TEAD4: variants seen among roughly 807,000 people sequenced by gnomAD.
TEAD4 encodes TEA domain transcription factor 4, also known as transcriptional enhancer factor TEF-3.
TEAD4 carries 36 observed loss-of-function variants against 52.4 expected under a neutral mutation model. That is an observed-to-expected ratio of 0.69 (90% CI 0.53 to 0.91). TEAD4 has a LOEUF of 0.91. Ranked by LOEUF, TEAD4 falls within the 40% of genes least tolerant of loss-of-function variation. The pLI is 0.00. For missense variants in TEAD4, 508 were observed against 583.9 expected, an observed-to-expected ratio of 0.87 and a Z score of 1.34; for synonymous variants, 220 against 231.0, an observed-to-expected ratio of 0.95 and a Z score of 0.43.
intron 7 of TEAD4, 81 bp downstream of exon 7, chr12:3,018,669 G>GC: frequency 6.3e-7 from 1 of 1,587,176 alleles, no homozygotes; most frequent in Admixed American, 1.7e-5. Flanking sequence ...TTAAGCCTGG[G>GC]CCCCAGGGTG....
chr12:3,023,300 G>C (rs868576400), intron 10 of TEAD4, among the ~76,000 whole-genome samples: 1 of 152,132 alleles, frequency 6.6e-6, no homozygotes, highest in Non-Finnish European at 1.5e-5. Flanking sequence ...TGAAGCCGTA[G>C]GTAAAGAGGG....
chr12:2,994,729 T>C lies in TEAD4; in HGVS notation c.-29-9T>C. 2 of 1,558,014 alleles carry C rather than the reference T, an allele frequency of 1.3e-6. No individual in the cohort carries two copies. Among genetic ancestry groups the C allele is most frequent in the South Asian group, 1.2e-5 (1 of 82,202 alleles). ...CTGCTCACCGGGGCTGTGGTTCCTG[T>C]CCCCACAGGTCCAACGAGCGCTCCT... On this transcript the variant is annotated splice_polypyrimidine_tract_variant and intron_variant, in intron 2 of 12. Transcript: ENST00000359864. This position sits in a 1 kb window ranked among gnomAD's most constrained non-coding sequence, Gnocchi z 4.7.
chr12:2,962,250 G>T (rs1293657896), intron 2 of TEAD4, among the ~76,000 whole-genome samples: 1 of 116,424 alleles, frequency 8.6e-6, no homozygotes, highest in African/African-American at 3.2e-5. Context: ...TCAGCCTCCC[G>T]GCCGGCTAGT....
chr12:2,992,956 GCCT>G, intron 2 of TEAD4, among the ~76,000 whole-genome samples: 1 of 152,302 alleles, frequency 6.6e-6, no homozygotes, highest in East Asian at 1.9e-4. Context: ...GTGACCATGA[GCCT>G]CCAGAGGCAC....
chr12:3,034,733 G>A (rs1443275531), intron 10 of TEAD4, among the ~76,000 whole-genome samples: 1 of 152,212 alleles, frequency 6.6e-6, no homozygotes, highest in African/African-American at 2.4e-5. Context: ...AGGAGTTCGA[G>A]ACCAGCCTGG....
chr12:3,008,418 G>GAT (rs1264941730), intron 3 of TEAD4, among the ~76,000 whole-genome samples: 2 of 152,182 alleles, frequency 1.3e-5, no homozygotes, highest in Non-Finnish European at 2.9e-5. Context: ...CTGAACTGGG[G>GAT]TGGCCAGATC....
Position 3,020,611 on chromosome 12 carries a change from T to C in TEAD4, c.584-23T>C, listed in dbSNP as rs202226715. ...GGCGGGTGTCCGTGACCAGGTTCCA[T>C]GTGCCTTTCTCACTTTGTGCAGGGT... On this transcript the variant is annotated intron_variant, in intron 8 of 12. Coordinates refer to ENST00000359864, the MANE Select transcript of TEAD4 (RefSeq NM_003213.4). 1.5e-3 allele frequency: 2,305 copies of C among 1,512,698 alleles called. 4 individuals are homozygous for C. Among genetic ancestry groups the C allele is most frequent in the Non-Finnish European group, 1.9e-3 (2,113 of 1,125,750 alleles). The allele number at this position is 1,512,698 out of a possible 1,614,324, so 93.7% of individuals were successfully genotyped here.
chr12:2,987,492 G>A (rs1006578966), intron 2 of TEAD4, among the ~76,000 whole-genome samples: 1 of 151,868 alleles, frequency 6.6e-6, no homozygotes, highest in African/African-American at 2.4e-5. Context: ...GGGACTGCAG[G>A]GGCGCGATCT....
chr12:2,961,761 T>C (rs2098215495), intron 2 of TEAD4, among the ~76,000 whole-genome samples: 1 of 152,198 alleles, frequency 6.6e-6, no homozygotes, highest in South Asian at 2.1e-4. Flanking sequence ...TTTCCTTCGC[T>C]TATTTCAGTA....
intron 5 of TEAD4, among the ~76,000 whole-genome samples, chr12:3,013,790 G>A (rs2098262294): frequency 6.6e-6 from 1 of 152,206 alleles, no homozygotes; most frequent in African/African-American, 2.4e-5. Context: ...GTACTTGGAG[G>A]TTGAGGCCAG....
intron 2 of TEAD4, among the ~76,000 whole-genome samples, chr12:2,970,946 T>C (rs1327149178): frequency 6.6e-6 from 1 of 152,198 alleles, no homozygotes; most frequent in African/African-American, 2.4e-5. Context: ...AGAAGTAAGC[T>C]GTACCAGTGC....
At chr12:2,989,076 A>G (rs2098241015) in intron 2 of TEAD4, among the ~76,000 whole-genome samples, 1 of 152,116 alleles carries the variant, frequency 6.6e-6, no homozygotes, top group East Asian at 1.9e-4. Flanking sequence ...GGTGGGTCAG[A>G]AGCACAGGTA....
chr12:2,975,431 C>T (rs2098228847), intron 2 of TEAD4, among the ~76,000 whole-genome samples: 1 of 151,684 alleles, frequency 6.6e-6, no homozygotes, highest in African/African-American at 2.4e-5. Flanking sequence ...TCTTGTTGCC[C>T]AGGCTGGGGT....
At chr12:2,977,741 T>C (rs542010175) in intron 2 of TEAD4, among the ~76,000 whole-genome samples, 1 of 152,302 alleles carries the variant, frequency 6.6e-6, no homozygotes, top group South Asian at 2.1e-4. Context: ...TGTCCCGGAC[T>C]TCACGTGGCC....
intron 10 of TEAD4, among the ~76,000 whole-genome samples, chr12:3,035,215 T>C (rs1591601547): frequency 6.6e-6 from 1 of 152,200 alleles, no homozygotes; most frequent in Non-Finnish European, 1.5e-5. Context: ...TAAAAGTGAG[T>C]TGATTTCAAA....
At chr12:2,985,596 C>T (rs1252656048) in intron 2 of TEAD4, among the ~76,000 whole-genome samples, 5 of 146,492 alleles carry the variant, frequency 3.4e-5, no homozygotes, top group Non-Finnish European at 6.0e-5. Flanking sequence ...ACCTCCGCCT[C>T]CCGGGTTTAA....
At chr12:3,018,614 GC>G in intron 7 of TEAD4, 26 bp downstream of exon 7, 1 of 1,612,868 alleles carries the variant, frequency 6.2e-7, no homozygotes, top group Non-Finnish European at 8.5e-7. Flanking sequence ...GGTTTCTCTT[GC>G]CAGTTGCTCC....
intron 2 of TEAD4, among the ~76,000 whole-genome samples, chr12:2,973,973 C>A (rs1311320065): frequency 3.3e-5 from 5 of 152,100 alleles, no homozygotes; most frequent in Admixed American, 3.3e-4. Flanking sequence ...TAACCTCAGC[C>A]TAGGGTCTGA....
At chr12:3,020,821 C>A in intron 9 of TEAD4, 48 bp downstream of exon 9, 1 of 1,492,858 alleles carries the variant, frequency 6.7e-7, no homozygotes. Context: ...CCCCCTCTCC[C>A]TCTGTTTCTG....
Sources: allele counts gnomAD v4.1 joint callset (sites outside exome capture counted in the v4.1 genomes callset), GRCh38; gene constraint gnomAD v4.1.1; non-coding constraint Gnocchi (gnomAD v3.1); transcripts MANE v1.5; gene names NCBI Gene and HGNC (gene_info 2026-07-23, HGNC 2026-07-21).